MAVS: variants seen among roughly 807,000 people sequenced by gnomAD.
MAVS encodes the protein mitochondrial antiviral-signaling protein.
A neutral mutation model predicts 30.2 loss-of-function variants in MAVS; 20 were observed. The ratio of observed to expected loss-of-function variants is 0.66; its 90% CI spans 0.47 to 0.96. The LOEUF (loss-of-function observed/expected upper bound fraction) is 0.96. Ranked by LOEUF, MAVS falls within the 40% of genes least tolerant of loss-of-function variation. MAVS has a pLI of 0.00. For missense variants in MAVS, 624 were observed against 701.1 expected (o/e 0.89, Z 1.24); for synonymous variants, 278 against 293.9 (o/e 0.95, Z 0.55).
At chr20:3,853,130 C>T (rs1482255517) in intron 1 of MAVS, among the ~76,000 whole-genome samples, 11 of 146,926 alleles carry the variant, frequency 7.5e-5, no homozygotes, top group African/African-American at 2.5e-4. Flanking sequence ...TGAGCCACCG[C>T]GCCCGGGTTC....
rs2089913385 is a variant in MAVS at position 3,866,938 on chromosome 20, T to A, written c.*791T>A. 2.2e-6 allele frequency: 1 copy of A among 456,844 alleles called. No homozygotes were observed. The allele number at this position is 456,844 out of a possible 1,614,324, so 28.3% of individuals were successfully genotyped here. ...TTCAGCTCCCTCACTTCCGGGGCTG[T>A]GTGGCTTTGGCAGATGTCAGACTTC... On this transcript the variant is annotated 3_prime_UTR_variant, in exon 7 of 7. Coordinates refer to ENST00000428216, the MANE Select transcript of MAVS (RefSeq NM_020746.5).
At chr20:3,862,672 G>T (rs1410898215) in intron 5 of MAVS, among the ~76,000 whole-genome samples, 1 of 152,142 alleles carries the variant, frequency 6.6e-6, no homozygotes, top group Non-Finnish European at 1.5e-5. Flanking sequence ...TGTGGGTCAG[G>T]CATTTGGGCT....
chr20:3,853,329 C>CA (rs1189898540), intron 1 of MAVS, among the ~76,000 whole-genome samples: 29 of 150,346 alleles, frequency 1.9e-4, no homozygotes, highest in Admixed American at 9.3e-4. Flanking sequence ...TACTAAAATA[C>CA]AAAAAAATTA....
rs2089962078 is a variant in MAVS, at chr20:3,872,396, C to T, written c.*6249C>T. 6.6e-6 allele frequency: 1 copy of T among 152,248 alleles called. No homozygotes were observed. Among genetic ancestry groups the T allele is most frequent in the Admixed American group, 6.5e-5 (1 of 15,284 alleles). 9.4% of individuals were successfully genotyped at this position (152,248 alleles called of 1,614,324 possible). A position where few individuals can be genotyped will look rare whatever the true frequency, so the allele number is the denominator to read the frequency against. ...GAAGTTACAGTGAGCTATGATGGCA[C>T]CACTGCACTTCAGCCTAGGCAACAG... On this transcript the variant is annotated 3_prime_UTR_variant, in exon 7 of 7. Coordinates refer to ENST00000428216, the MANE Select transcript of MAVS (RefSeq NM_020746.5).
At chr20:3,864,881 A>C in intron 6 of MAVS, 93 bp downstream of exon 6, 7 of 1,479,772 alleles carry the variant, frequency 4.7e-6, no homozygotes, top group Non-Finnish European at 6.4e-6. Context: ...CCCAGTCTGC[A>C]TTCTGTGTCC....
At chr20:3,859,943 A>C (rs2089851296) in intron 3 of MAVS, among the ~76,000 whole-genome samples, 1 of 151,452 alleles carries the variant, frequency 6.6e-6, no homozygotes, top group Non-Finnish European at 1.5e-5. Context: ...CAGCCTCCCG[A>C]GTAGCTGGGA....
chr20:3,866,021 G>T lies in MAVS; in HGVS notation c.1497G>T (p.Arg499=), dbSNP rs534161992. 6.2e-7 allele frequency: 1 copy of T among 1,612,852 alleles called. No individual in the cohort carries two copies. Among genetic ancestry groups the T allele is most frequent in the Non-Finnish European group, 8.5e-7 (1 of 1,180,004 alleles). The part of the protein sequence containing the change: ...PDGGPRPQAD[R]KFQEREVPCH... ...GCGGCCCCAGGCCACAAGCCGACCG[G>T]AAGTTCCAGGAGAGGGAGGTGCCAT... Residue 499 remains arginine (R), a synonymous_variant, in exon 7 of 7, where the codon CGG becomes CGT. Transcript: ENST00000428216.
In MAVS at chr20:3,858,630, A is replaced by G. The variant is rs1385764114; in HGVS notation, c.292+821A>G. 7.6e-5 allele frequency among the ~76,000 whole-genome samples: 11 copies of G among 144,698 alleles called. No individual in the cohort carries two copies. The East Asian group carries it at 2.3e-3, about 30-fold the overall frequency. 94.9% of individuals were successfully genotyped at this position (144,698 alleles called of 152,430 possible). On this transcript the variant is annotated intron_variant, in intron 3 of 6. Transcript: ENST00000428216. Reference sequence around the variant, plus strand: ...CAGTGAGCTGAGATCGCGCCACTGCACTCCAGCCTGGGCGACAGAGTGGGA... The same window carrying G: ...CAGTGAGCTGAGATCGCGCCACTGCGCTCCAGCCTGGGCGACAGAGTGGGA...
chr20:3,859,279 G>A (rs772060451), intron 3 of MAVS, among the ~76,000 whole-genome samples: 13 of 152,030 alleles, frequency 8.6e-5, no homozygotes, highest in Admixed American at 2.6e-4. Flanking sequence ...AGGCCGAGGC[G>A]GGCGGATCAC....
intron 3 of MAVS, among the ~76,000 whole-genome samples, chr20:3,859,146 CCCTT>C (rs966223148): frequency 3.2e-4 from 45 of 139,312 alleles, no homozygotes; most frequent in Middle Eastern, 3.4e-3. Context: ...CTCCCTCCCT[CCCTT>C]CCTCTCTTCC....
Position 3,853,782 on chromosome 20 carries a change from C to G in MAVS, c.-67-776C>G, listed in dbSNP as rs372359206. ...GCACCCAACTTGGGTGACAGAGACC[C>G]CATCTGTTTGTTTGTTTGTTTTTGA... On this transcript the variant is annotated intron_variant, in intron 1 of 6. Coordinates refer to ENST00000428216, the MANE Select transcript of MAVS (RefSeq NM_020746.5). 2.2e-4 allele frequency among the ~76,000 whole-genome samples: 33 copies of G among 151,998 alleles called. 1 individual carries two copies. The East Asian group carries it at 3.9e-3, about 18-fold the overall frequency.
At chr20:3,852,883 A>G (rs1483521989) in intron 1 of MAVS, among the ~76,000 whole-genome samples, 3 of 127,274 alleles carry the variant, frequency 2.4e-5, no homozygotes, top group African/African-American at 9.3e-5. Flanking sequence ...TCTGCCGCCC[A>G]GGCTGGAGTG....
In MAVS at chr20:3,848,398, C is replaced by T. The variant is rs1032238332; in HGVS notation, c.-68+1495C>T. Among the ~76,000 whole-genome samples, 14 of 152,298 alleles carry T rather than the reference C, an allele frequency of 9.2e-5. No homozygotes were observed. In the East Asian group the frequency reaches 9.6e-4, roughly 10 times the overall value. On this transcript the variant is annotated intron_variant, in intron 1 of 6. Coordinates refer to ENST00000428216, the MANE Select transcript of MAVS (RefSeq NM_020746.5). ...CCAGGCGTGAGCCACCGCGCCCGGCCGAGAAAGGGATCTATTAACTCCCAT... is the reference window on the plus strand; with the variant it reads ...CCAGGCGTGAGCCACCGCGCCCGGCTGAGAAAGGGATCTATTAACTCCCAT...
In MAVS at chr20:3,866,990, G is replaced by C. The variant is rs1354201418; in HGVS notation, c.*843G>C. ...GGTCTTGCTTCTCCACGTGGACAGT[G>C]AGTATCTGGCTCATTCTTCACTGGG... On this transcript the variant is annotated 3_prime_UTR_variant, in exon 7 of 7. Transcript: ENST00000428216. 2 of 456,696 alleles carry C rather than the reference G, an allele frequency of 4.4e-6. No individual in the cohort carries two copies. Among genetic ancestry groups the C allele is most frequent in the Non-Finnish European group, 8.8e-6 (2 of 226,994 alleles). 28.3% of individuals were successfully genotyped at this position (456,696 alleles called of 1,614,324 possible). A position where few individuals can be genotyped will look rare whatever the true frequency, so the allele number is the denominator to read the frequency against.
At chr20:3,849,020 G>A (rs6116065) in intron 1 of MAVS, among the ~76,000 whole-genome samples, 54,119 of 151,790 alleles carry the variant, frequency 0.36, 10,106 homozygotes, top group East Asian at 0.67. Context: ...CCCCTCCAAA[G>A]TCCTCACAAC....
In MAVS at chr20:3,866,566, A is replaced by C. The variant is rs908331054; in HGVS notation, c.*419A>C. 4 of 351,738 alleles carry C rather than the reference A, an allele frequency of 1.1e-5. No homozygotes were observed. Among genetic ancestry groups the C allele is most frequent in the Non-Finnish European group, 2.2e-5 (4 of 181,024 alleles). 21.8% of individuals were successfully genotyped at this position (351,738 alleles called of 1,614,324 possible). Reference sequence around the variant, plus strand: ...GGTCCCTGAAGGCCTCAGGGCAGGTATGTGGTGTGTGGGCGACTCCACAAG... The same window carrying C: ...GGTCCCTGAAGGCCTCAGGGCAGGTCTGTGGTGTGTGGGCGACTCCACAAG... On this transcript the variant is annotated 3_prime_UTR_variant, in exon 7 of 7. Coordinates refer to ENST00000428216, the MANE Select transcript of MAVS (RefSeq NM_020746.5).
intron 1 of MAVS, among the ~76,000 whole-genome samples, chr20:3,853,282 C>T (rs968182608): frequency 2.0e-5 from 3 of 150,272 alleles, no homozygotes; most frequent in Non-Finnish European, 3.0e-5. Context: ...GTCAGTAAAT[C>T]GAGACCATCC....
chr20:3,867,320 C>T lies in MAVS; in HGVS notation c.*1173C>T, dbSNP rs974537680. ...TGTTGTGAAGATTAAAGGAGTTTAT[C>T]GATGTAGGTCTTAGGATGAGTCCTG... On this transcript the variant is annotated 3_prime_UTR_variant, in exon 7 of 7. Coordinates refer to ENST00000428216, the MANE Select transcript of MAVS (RefSeq NM_020746.5). The T allele has an allele frequency of 6.1e-5, 20 of 328,934 alleles. No homozygotes were observed. The highest frequency in any genetic ancestry group is 2.6e-4 in the African/African-American group (12 of 46,358). 20.4% of individuals were successfully genotyped at this position (328,934 alleles called of 1,614,324 possible).
At chr20:3,856,633 G>A (rs1211180353) in intron 2 of MAVS, among the ~76,000 whole-genome samples, 1 of 151,946 alleles carries the variant, frequency 6.6e-6, no homozygotes, top group East Asian at 1.9e-4. Context: ...GTGAGCTACC[G>A]CACCTGGCTA....
Sources: allele counts gnomAD v4.1 joint callset (sites outside exome capture counted in the v4.1 genomes callset), GRCh38; gene constraint gnomAD v4.1.1; transcripts MANE v1.5; gene names NCBI Gene and HGNC (gene_info 2026-07-23, HGNC 2026-07-21).